The following CACNA1A variants were observed in gnomAD, a reference collection of about 807,000 sequenced individuals.
CACNA1A encodes the protein calcium voltage-gated channel subunit alpha1 A.
In CACNA1A, 57 loss-of-function variants were observed where a neutral mutation model predicts 262.4. The ratio of observed to expected loss-of-function variants is 0.22; its 90% CI spans 0.18 to 0.27. The LOEUF (loss-of-function observed/expected upper bound fraction) is 0.27. Among genes scored for constraint, CACNA1A ranks in the 10% least tolerant of loss-of-function variants. The pLI is 1.00. For synonymous variants in CACNA1A, 1,431 were observed against 1,419.3 expected, an observed-to-expected ratio of 1.01 and a Z score of -0.18; for missense variants, 2,526 against 3,562.8, an observed-to-expected ratio of 0.71 and a Z score of 7.41.
intron 6 of CACNA1A, among the ~76,000 whole-genome samples, chr19:13,354,324 C>T (rs895879255): frequency 4.6e-5 from 7 of 152,174 alleles, no homozygotes; most frequent in Non-Finnish European, 8.8e-5. Context: ...CCACTGGCTT[C>T]GGCTCCAGCA....
At chr19:13,343,146 G>T (rs1464655337) in intron 6 of CACNA1A, among the ~76,000 whole-genome samples, 27 of 150,804 alleles carry the variant, frequency 1.8e-4, no homozygotes, top group Non-Finnish European at 3.2e-4. Context: ...TTTTGAGATG[G>T]GGTCTTGCTC....
intron 1 of CACNA1A, among the ~76,000 whole-genome samples, chr19:13,487,234 C>T (rs1229427651): frequency 6.6e-6 from 1 of 152,174 alleles, no homozygotes; most frequent in Non-Finnish European, 1.5e-5. Context: ...GTGGCAGCCA[C>T]AGGAGAGCAG....
intron 2 of CACNA1A, among the ~76,000 whole-genome samples, chr19:13,453,756 A>G (rs1226688786): frequency 2.0e-5 from 3 of 152,082 alleles, no homozygotes; most frequent in African/African-American, 7.2e-5. Flanking sequence ...ATGTTTTCCC[A>G]TCTGTTACAG....
At chr19:13,474,256 T>G (rs1349097882) in intron 1 of CACNA1A, among the ~76,000 whole-genome samples, 1 of 152,086 alleles carries the variant, frequency 6.6e-6, no homozygotes, top group East Asian at 1.9e-4. Context: ...TGAAGACAGA[T>G]TTACAGTAGG....
At chr19:13,240,931 C>CT (rs1470453234) in intron 31 of CACNA1A, among the ~76,000 whole-genome samples, 2 of 152,258 alleles carry the variant, frequency 1.3e-5, no homozygotes, top group South Asian at 2.1e-4. Context: ...TCTGGCACTT[C>CT]TGAGTTCCTC....
intron 19 of CACNA1A, among the ~76,000 whole-genome samples, chr19:13,287,721 C>T (rs2057437144): frequency 1.3e-5 from 2 of 151,480 alleles, no homozygotes; most frequent in Admixed American, 6.6e-5. Context: ...AGGCTGGTCT[C>T]GAATTCCTGA....
intron 31 of CACNA1A, among the ~76,000 whole-genome samples, chr19:13,237,099 C>T (rs1175671593): frequency 6.6e-6 from 1 of 152,172 alleles, no homozygotes; most frequent in African/African-American, 2.4e-5. Flanking sequence ...TGGAAGCAGG[C>T]CACATGATCT....
At chr19:13,289,789 T>C (rs2057491368) in intron 19 of CACNA1A, among the ~76,000 whole-genome samples, 1 of 152,138 alleles carries the variant, frequency 6.6e-6, no homozygotes, top group Admixed American at 6.6e-5. Context: ...GTGACCTCTT[T>C]ATCCCTTCCA....
At chr19:13,223,097 T>C (rs954519303) in intron 38 of CACNA1A, among the ~76,000 whole-genome samples, 1 of 152,182 alleles carries the variant, frequency 6.6e-6, no homozygotes, top group African/African-American at 2.4e-5. Context: ...CGATCATGAC[T>C]CACTGCAGCC....
rs773649403 is a variant in CACNA1A at position 13,285,186 on chromosome 19, C to T, written c.3574G>A (p.Asp1192Asn). The T allele has an allele frequency of 2.8e-5, 45 of 1,613,860 alleles. 1 individual carries two copies. In the South Asian group the frequency reaches 4.4e-4, roughly 16 times the overall value. ...TCTTCCTCTTTTTTTGGCAGTGGGTCTGGGTTGGCGTTTTTGTTCACTGTT... is the reference window on the plus strand; with the variant it reads ...TCTTCCTCTTTTTTTGGCAGTGGGTTTGGGTTGGCGTTTTTGTTCACTGTT... ...VVQVNKNANP[D>N]PLPKKEEEKK... Residue 1192 changes from aspartate (D) to asparagine (N), a missense_variant, in exon 21 of 47, where the codon GAC (aspartate) becomes AAC (asparagine). Coordinates refer to ENST00000360228, the MANE Select transcript of CACNA1A (RefSeq NM_001127222.2).
intron 5 of CACNA1A, among the ~76,000 whole-genome samples, chr19:13,360,883 T>C (rs2059099249): frequency 6.6e-6 from 1 of 152,228 alleles, no homozygotes; most frequent in African/African-American, 2.4e-5. Flanking sequence ...TTGTTACTGA[T>C]TTCCAGCTTA....
chr19:13,407,102 C>T (rs116978804), intron 3 of CACNA1A, among the ~76,000 whole-genome samples: 2 of 152,136 alleles, frequency 1.3e-5, no homozygotes, highest in Non-Finnish European at 1.5e-5. Flanking sequence ...TCATTTTTCT[C>T]GTCAGTAAAA....
At chr19:13,276,935 C>T (rs1326348061) in intron 23 of CACNA1A, 134 bp downstream of exon 23, 1 of 602,966 alleles carries the variant, frequency 1.7e-6, no homozygotes, top group Non-Finnish European at 3.0e-6. Flanking sequence ...TGGCCTCAAC[C>T]TCCTGATCTC....
intron 1 of CACNA1A, among the ~76,000 whole-genome samples, chr19:13,457,306 T>C (rs1404530761): frequency 6.6e-6 from 1 of 152,070 alleles, no homozygotes; most frequent in Non-Finnish European, 1.5e-5. Context: ...GCAACTGCCA[T>C]AGAAAACCAT....
intron 27 of CACNA1A, chr19:13,258,869 G>C (rs902414798): frequency 1.3e-5 from 2 of 152,008 alleles, no homozygotes; most frequent in African/African-American, 2.4e-5. Flanking sequence ...ATAATCTTTT[G>C]CTCCAATATT....
chr19:13,313,099 G>C (rs973954687), intron 11 of CACNA1A, among the ~76,000 whole-genome samples: 2 of 152,010 alleles, frequency 1.3e-5, no homozygotes, highest in Admixed American at 6.6e-5. Context: ...GGCCTCAAGT[G>C]ATCCTCCCAG....
At chr19:13,492,788 T>C (rs138217717) in intron 1 of CACNA1A, among the ~76,000 whole-genome samples, 1 of 152,310 alleles carries the variant, frequency 6.6e-6, no homozygotes, top group Non-Finnish European at 1.5e-5. Context: ...GTCACCTCCC[T>C]GCCCTCACGT....
rs143741127 is a variant in CACNA1A, at chr19:13,413,100, G to GT, written c.539+39775dup. ...AATCCATCTCTACAAAAAGTTTTTT[G>GT]TTTTTTTTTTTTGTTTTTTTTTTAG... On this transcript the variant is annotated intron_variant, in intron 3 of 46. Coordinates refer to ENST00000360228, the MANE Select transcript of CACNA1A (RefSeq NM_001127222.2). Among the ~76,000 whole-genome samples, 393 of 114,702 alleles carry GT rather than the reference G, an allele frequency of 3.4e-3. 1 individual carries two copies. The highest frequency in any genetic ancestry group is 0.016 in the African/African-American group (279 of 16,996). 75.2% of individuals were successfully genotyped at this position (114,702 alleles called of 152,430 possible).
At chr19:13,224,600 G>GC (rs2055365698) in intron 38 of CACNA1A, 67 bp downstream of exon 38, 1 of 1,038,684 alleles carries the variant, frequency 9.6e-7, no homozygotes, top group African/African-American at 1.6e-5. Flanking sequence ...CTAGTTTGGG[G>GC]TAGGGAGGGA....
Sources: allele counts gnomAD v4.1 joint callset (sites outside exome capture counted in the v4.1 genomes callset), GRCh38; gene constraint gnomAD v4.1.1; transcripts MANE v1.5; gene names NCBI Gene and HGNC (gene_info 2026-07-23, HGNC 2026-07-21).